PKP4: variants seen among roughly 807,000 people sequenced by gnomAD.
PKP4 encodes plakophilin-4.
In PKP4, 90 loss-of-function variants were observed where a neutral mutation model predicts 145.1. The ratio of observed to expected loss-of-function variants is 0.62; its 90% CI spans 0.52 to 0.74. PKP4 has a LOEUF of 0.74. PKP4 is among the 30% of genes least tolerant of loss of function. PKP4 has a pLI of 0.00. For missense variants in PKP4, 1,340 were observed against 1,482.7 expected, an observed-to-expected ratio of 0.90 and a Z score of 1.58; for synonymous variants, 563 against 577.2, an observed-to-expected ratio of 0.98 and a Z score of 0.35.
At chr2:158,512,775 C>T (rs1268514161) in intron 1 of PKP4, among the ~76,000 whole-genome samples, 2 of 152,242 alleles carry the variant, frequency 1.3e-5, no homozygotes, top group Non-Finnish European at 2.9e-5. Flanking sequence ...ACTTTGAAGT[C>T]ACTGCAGTCC....
At chr2:158,502,504 T>C (rs1696732155) in intron 1 of PKP4, among the ~76,000 whole-genome samples, 1 of 152,190 alleles carries the variant, frequency 6.6e-6, no homozygotes, top group Non-Finnish European at 1.5e-5. Flanking sequence ...CACCTTGAGT[T>C]CTCTAACACA....
chr2:158,575,658 T>G (rs559794761), intron 2 of PKP4, among the ~76,000 whole-genome samples: 14 of 152,284 alleles, frequency 9.2e-5, no homozygotes, highest in African/African-American at 3.1e-4. Context: ...GAAGGTATTG[T>G]GATGGCTTGG....
intron 2 of PKP4, among the ~76,000 whole-genome samples, chr2:158,565,681 T>C (rs1396267475): frequency 6.6e-6 from 1 of 152,104 alleles, no homozygotes; most frequent in Admixed American, 6.6e-5. Context: ...ACCCAAAGAC[T>C]GAAATCAGGG....
At chr2:158,473,636 A>G (rs1293493688) in intron 1 of PKP4, among the ~76,000 whole-genome samples, 1 of 150,052 alleles carries the variant, frequency 6.7e-6, no homozygotes, top group Admixed American at 6.7e-5. Flanking sequence ...GAAGGAAACA[A>G]CCCTTGGGTC....
At chr2:158,476,662 CAGATT>C (rs1465399741) in intron 1 of PKP4, among the ~76,000 whole-genome samples, 1 of 152,000 alleles carries the variant, frequency 6.6e-6, no homozygotes, top group Non-Finnish European at 1.5e-5. Flanking sequence ...AAAATAGTCT[CAGATT>C]AGAGACCTGC....
intron 3 of PKP4, among the ~76,000 whole-genome samples, chr2:158,590,048 T>G (rs997947489): frequency 2.0e-5 from 3 of 152,152 alleles, no homozygotes; most frequent in Admixed American, 6.6e-5. Flanking sequence ...GAATTGTTAT[T>G]ATAGTTATCT....
At chr2:158,464,029 A>G (rs1192451994) in intron 1 of PKP4, among the ~76,000 whole-genome samples, 3 of 152,200 alleles carry the variant, frequency 2.0e-5, no homozygotes, top group Admixed American at 6.5e-5. Flanking sequence ...GTCTACAACC[A>G]GTCCCCTGTG....
chr2:158,501,617 T>C (rs1305386250), intron 1 of PKP4, among the ~76,000 whole-genome samples: 3 of 139,490 alleles, frequency 2.2e-5, no homozygotes, highest in African/African-American at 7.5e-5. Flanking sequence ...GAACTGGCTG[T>C]GCTCCAGGAC....
chr2:158,591,016 A>G (rs559099581), intron 3 of PKP4, among the ~76,000 whole-genome samples: 1 of 152,166 alleles, frequency 6.6e-6, no homozygotes, highest in Non-Finnish European at 1.5e-5. Context: ...CTAGATATTA[A>G]TATCAGTTTA....
intron 7 of PKP4, among the ~76,000 whole-genome samples, chr2:158,627,173 A>C (rs1209432998): frequency 6.6e-6 from 1 of 152,162 alleles, no homozygotes; most frequent in Non-Finnish European, 1.5e-5. Flanking sequence ...AATGCCTCTG[A>C]AAAGTATGCA....
At chr2:158,535,303 A>C (rs1462606247) in intron 2 of PKP4, among the ~76,000 whole-genome samples, 1 of 152,202 alleles carries the variant, frequency 6.6e-6, no homozygotes, top group East Asian at 1.9e-4. Context: ...TGATTTTAAA[A>C]TTTACTGGTC....
At chr2:158,626,699 GCC>G in intron 7 of PKP4, among the ~76,000 whole-genome samples, 1 of 152,218 alleles carries the variant, frequency 6.6e-6, no homozygotes, top group Non-Finnish European at 1.5e-5. Context: ...TTTCATCTTT[GCC>G]AATCTGATAG....
At position 158,673,773 on chromosome 2, in the gene PKP4, G is replaced by C; in HGVS notation, c.3009+12G>C. ...GCATTTATAAAAAGGTAACCTACAA[G>C]AATAGCTCTGGCATAATTAGCATTC... On this transcript the variant is annotated intron_variant, in intron 18 of 21. Coordinates refer to ENST00000389759, the MANE Select transcript of PKP4 (RefSeq NM_003628.6). The C allele has an allele frequency of 6.4e-7, 1 of 1,565,942 alleles. No individual in the cohort carries two copies. The highest frequency in any genetic ancestry group is 8.8e-7 in the Non-Finnish European group (1 of 1,135,940).
rs1468592738 is a variant in PKP4 at position 158,634,215 on chromosome 2, G to C, written c.1488G>C (p.Arg496Ser). The change falls in exon 9 of 22, where the codon AGG becomes AGC. Residue 496 changes from arginine (R) to serine (S), a missense_variant. Coordinates refer to ENST00000389759, the MANE Select transcript of PKP4 (RefSeq NM_003628.6). The stretch of plus-strand genomic sequence containing the variant: ...GAGTGCAAGAGTGCAATTATAACAG[G>C]CTTCAGCATGCAGTGCCGGCTGATG... ...QYRVQECNYN[R>S]LQHAVPADDG... is the part of the protein sequence containing the mutation. The C allele has an allele frequency of 1.9e-6, 3 of 1,613,922 alleles. No homozygotes were observed. The highest frequency in any genetic ancestry group is 3.3e-5 in the Admixed American group (2 of 59,994).
At chr2:158,494,668 C>T (rs1695421895) in intron 1 of PKP4, among the ~76,000 whole-genome samples, 1 of 152,104 alleles carries the variant, frequency 6.6e-6, no homozygotes, top group Non-Finnish European at 1.5e-5. Flanking sequence ...ATAAAGTGCA[C>T]TTAATGGTTC....
At chr2:158,555,072 AATG>A (rs1286062545) in intron 2 of PKP4, among the ~76,000 whole-genome samples, 1 of 152,194 alleles carries the variant, frequency 6.6e-6, no homozygotes, top group Non-Finnish European at 1.5e-5. Context: ...TATTTAGTGA[AATG>A]ATATTTTCTA....
chr2:158,474,808 T>C (rs1466406842), intron 1 of PKP4, among the ~76,000 whole-genome samples: 1 of 152,178 alleles, frequency 6.6e-6, no homozygotes, highest in Non-Finnish European at 1.5e-5. Context: ...CTGGCCAATC[T>C]TTTTAAAATT....
chr2:158,547,778 T>C (rs190367427), intron 2 of PKP4, among the ~76,000 whole-genome samples: 14 of 152,300 alleles, frequency 9.2e-5, no homozygotes, highest in South Asian at 2.1e-4. Context: ...GACTCTTGGA[T>C]AGACACTGTT....
chr2:158,479,187 T>A (rs1262134817), intron 1 of PKP4, among the ~76,000 whole-genome samples: 3 of 152,094 alleles, frequency 2.0e-5, no homozygotes, highest in African/African-American at 4.8e-5. Flanking sequence ...TAGCTAACTT[T>A]TAAATTCAGC....
Sources: allele counts gnomAD v4.1 joint callset (sites outside exome capture counted in the v4.1 genomes callset), GRCh38; gene constraint gnomAD v4.1.1; transcripts MANE v1.5; gene names NCBI Gene and HGNC (gene_info 2026-07-23, HGNC 2026-07-21).